Variants in KIF6 observed in about 807,000 individuals in gnomAD.
The protein encoded by KIF6 is kinesin-like protein KIF6.
KIF6 carries 106 observed loss-of-function variants against 112.7 expected under a neutral mutation model. The ratio of observed to expected loss-of-function variants is 0.94; its 90% CI spans 0.80 to 1.11. The LOEUF is 1.11. Ranked by LOEUF, KIF6 falls within the 50% of genes least tolerant of loss-of-function variation. The pLI is 0.00. For synonymous variants in KIF6, 339 were observed against 339.9 expected (o/e 1.00, Z 0.03); for missense variants, 929 against 964.0 (o/e 0.96, Z 0.48).
At chr6:39,514,280 C>G (rs1776941853) in intron 13 of KIF6, among the ~76,000 whole-genome samples, 1 of 152,116 alleles carries the variant, frequency 6.6e-6, no homozygotes, top group African/African-American at 2.4e-5. Context: ...ATTTTAAGAA[C>G]AGCTTTATTG....
Position 39,634,849 on chromosome 6 carries a change from G to C in KIF6, c.509C>G (p.Pro170Arg). 1.3e-6 allele frequency: 2 copies of C among 1,570,766 alleles called. No individual in the cohort carries two copies. Among genetic ancestry groups the C allele is most frequent in the South Asian group, 1.1e-5 (1 of 90,118 alleles). Residue 170 changes from proline to arginine, a missense_variant and splice_region_variant, in exon 5 of 23, where the codon CCG becomes CGG. Pro to Arg is a moderately radical substitution (Grantham distance 103, BLOSUM62 -2). Coordinates refer to ENST00000287152, the MANE Select transcript of KIF6 (RefSeq NM_145027.6). ...RHEASSLEDL[P>R]KVTILEDPDQ... is the part of the protein sequence containing the mutation. ...CATTCTTTGTTGTTCTGCTACTCAC[G>C]GCAAATCTTCCAAACTGGAGGCTTC...
chr6:39,539,500 C>T (rs112045786), intron 13 of KIF6, among the ~76,000 whole-genome samples: 3,214 of 152,142 alleles, frequency 0.021, 119 homozygotes, highest in African/African-American at 0.073. Context: ...CGCACCACCA[C>T]GCCCAGCTAA....
In KIF6 at chr6:39,342,459, T is replaced by G. The variant is rs1179900718; in HGVS notation, c.2428+1250A>C. Among the ~76,000 whole-genome samples, 4 of 152,212 alleles carry G rather than the reference T, an allele frequency of 2.6e-5. No homozygotes were observed. Among genetic ancestry groups the G allele is most frequent in the African/African-American group, 9.6e-5 (4 of 41,468 alleles). The stretch of plus-strand genomic sequence containing the variant: ...TCTGCTGTAGCACCAGCACTAGTAG[T>G]AGTGCCTGGCATAAGAAGGCACCCA... On this transcript the variant is annotated intron_variant, in intron 22 of 22. Coordinates refer to ENST00000287152, the MANE Select transcript of KIF6 (RefSeq NM_145027.6). This position sits in a 1 kb window ranked among gnomAD's most constrained non-coding sequence, Gnocchi z 4.7.
intron 13 of KIF6, among the ~76,000 whole-genome samples, chr6:39,508,137 C>T (rs946048417): frequency 1.3e-5 from 2 of 151,630 alleles, no homozygotes; most frequent in African/African-American, 2.4e-5. Context: ...GAGCAAAGTT[C>T]ACAAAGTGTG....
At chr6:39,585,293 G>A (rs914131594) in intron 8 of KIF6, among the ~76,000 whole-genome samples, 5 of 152,200 alleles carry the variant, frequency 3.3e-5, no homozygotes, top group South Asian at 2.1e-4. Context: ...CATAAGGAGC[G>A]GGCAACCTAG....
intron 12 of KIF6, among the ~76,000 whole-genome samples, chr6:39,542,178 A>G (rs780806160): frequency 6.6e-6 from 1 of 152,190 alleles, no homozygotes; most frequent in East Asian, 1.9e-4. Flanking sequence ...GACTTTAATG[A>G]GAATAATGAT....
intron 19 of KIF6, 113 bp downstream of exon 19, chr6:39,357,164 C>T: frequency 3.0e-6 from 2 of 661,108 alleles, no homozygotes; most frequent in Non-Finnish European, 5.3e-6. Context: ...GGAATTAATC[C>T]TGCTGGATCA....
chr6:39,536,736 A>G (rs891947635), intron 13 of KIF6, among the ~76,000 whole-genome samples: 3 of 151,796 alleles, frequency 2.0e-5, no homozygotes, highest in Non-Finnish European at 4.4e-5. Flanking sequence ...TCATCCTGAT[A>G]CCAAAGCCGG....
rs573165915 is a variant in KIF6 at position 39,405,293 on chromosome 6, C to T, written c.1810+14655G>A. ...AGAGTCAACAACTTTGTCTTGCTGC[C>T]GATCTTAGAGAAAAGCATTAAGTTA... On this transcript the variant is annotated intron_variant, in intron 15 of 22. Coordinates refer to ENST00000287152, the MANE Select transcript of KIF6 (RefSeq NM_145027.6). 1.4e-4 allele frequency among the ~76,000 whole-genome samples: 22 copies of T among 152,166 alleles called. 1 individual carries two copies. The South Asian group carries it at 2.1e-3, about 14-fold the overall frequency.
rs149680138 is a variant in KIF6 at position 39,710,683 on chromosome 6, A to G, written c.251+4009T>C. ...CTGACAAATTCTTGCAGAACTCAGA[A>G]CCACAGGGCAAAGAGAGGAGAACTA... On this transcript the variant is annotated intron_variant, in intron 3 of 22. Transcript: ENST00000287152. 1.8e-3 allele frequency among the ~76,000 whole-genome samples: 271 copies of G among 152,284 alleles called. 3 individuals carry two copies. Among genetic ancestry groups the G allele is most frequent in the African/African-American group, 6.2e-3 (259 of 41,548 alleles).
rs542774932 is a variant in KIF6, at chr6:39,580,203, G to A, written c.1078-2044C>T. 9.2e-5 allele frequency among the ~76,000 whole-genome samples: 14 copies of A among 151,874 alleles called. 2 individuals are homozygous for A. In the East Asian group the frequency reaches 1.3e-3, roughly 15 times the overall value. On this transcript the variant is annotated intron_variant, in intron 9 of 22. Transcript: ENST00000287152. ...ATAATTTTCTTTTTAAATACCTTAC[G>A]TGTCTTTAATTATATTTTATATCAG...
intron 15 of KIF6, among the ~76,000 whole-genome samples, chr6:39,392,171 C>G (rs1251110391): frequency 6.6e-6 from 1 of 151,828 alleles, no homozygotes; most frequent in East Asian, 1.9e-4. Flanking sequence ...CTGTTTCTTA[C>G]TTATTTATTA....
intron 13 of KIF6, among the ~76,000 whole-genome samples, chr6:39,436,764 TA>T (rs1341293263): frequency 6.6e-6 from 1 of 152,224 alleles, no homozygotes; most frequent in African/African-American, 2.4e-5. Context: ...TTTTGGTTAT[TA>T]TAGCTTTGTA....
At chr6:39,419,422 A>C (rs114284317) in intron 15 of KIF6, among the ~76,000 whole-genome samples, 5,369 of 149,946 alleles carry the variant, frequency 0.036, 328 homozygotes, top group African/African-American at 0.12. Context: ...CCTTAACTTC[A>C]CCTTTGCAGG....
chr6:39,431,446 G>T (rs771382856), intron 13 of KIF6: 8 of 316,386 alleles, frequency 2.5e-5, no homozygotes, highest in Non-Finnish European at 4.1e-5. Flanking sequence ...AAACCACAGC[G>T]CCAAGCCCTG....
chr6:39,420,409 G>C, intron 14 of KIF6, among the ~76,000 whole-genome samples: 1 of 152,178 alleles, frequency 6.6e-6, no homozygotes, highest in East Asian at 1.9e-4. Flanking sequence ...ATCAGAGGTT[G>C]TAAAACTATG....
intron 15 of KIF6, among the ~76,000 whole-genome samples, chr6:39,402,735 T>C (rs1768798028): frequency 6.6e-6 from 1 of 152,190 alleles, no homozygotes; most frequent in South Asian, 2.1e-4. Context: ...CCTGAGGGCC[T>C]CCTGTGTCCT....
chr6:39,395,563 G>T (rs2150330557), intron 15 of KIF6, among the ~76,000 whole-genome samples: 1 of 152,300 alleles, frequency 6.6e-6, no homozygotes, highest in East Asian at 1.9e-4. Context: ...GTTCACAATT[G>T]TTCTTTCTGT....
intron 3 of KIF6, among the ~76,000 whole-genome samples, chr6:39,642,115 C>T (rs935725410): frequency 6.6e-6 from 1 of 152,088 alleles, no homozygotes; most frequent in African/African-American, 2.4e-5. Flanking sequence ...TGCTTCTGGT[C>T]TCATCTGTCC....
Sources: allele counts gnomAD v4.1 joint callset (sites outside exome capture counted in the v4.1 genomes callset), GRCh38; gene constraint gnomAD v4.1.1; non-coding constraint Gnocchi (gnomAD v3.1); transcripts MANE v1.5; gene names NCBI Gene and HGNC (gene_info 2026-07-23, HGNC 2026-07-21).